The following COL19A1 variants were observed in gnomAD, a reference collection of about 807,000 sequenced individuals.
The protein encoded by COL19A1 is collagen type XIX alpha 1 chain, also known as collagen alpha-1(XIX) chain.
Under a neutral mutation model 190.2 loss-of-function variants are expected in COL19A1, and 159 were observed. The ratio of observed to expected loss-of-function variants is 0.84; its 90% CI spans 0.73 to 0.95. COL19A1 has a LOEUF of 0.95. COL19A1 is among the 40% of genes least tolerant of loss of function. The pLI, the probability that COL19A1 is intolerant of heterozygous loss-of-function variation, is 0.00. For missense variants in COL19A1, 1,418 were observed against 1,431.9 expected, an observed-to-expected ratio of 0.99 and a Z score of 0.16; for synonymous variants, 509 against 458.9, an observed-to-expected ratio of 1.11 and a Z score of -1.39.
intron 4 of COL19A1, among the ~76,000 whole-genome samples, chr6:69,919,813 T>C (rs1162412692): frequency 3.3e-5 from 5 of 152,172 alleles, no homozygotes; most frequent in African/African-American, 4.8e-5. Context: ...TTTGTTTTGC[T>C]TTTTCTCCTA....
At chr6:69,985,386 G>T (rs76075332) in intron 11 of COL19A1, among the ~76,000 whole-genome samples, 57 of 152,236 alleles carry the variant, frequency 3.7e-4, no homozygotes, top group South Asian at 1.4e-3. Context: ...GCCATCCAGA[G>T]GTCTATGGTC....
Position 70,146,720 on chromosome 6 carries a change from G to A in COL19A1, c.1815+17G>A. On this transcript the variant is annotated intron_variant, in intron 26 of 50. Transcript: ENST00000620364. ...GGGCCAAAGGTATACAAATATTATA[G>A]TTAATTTTTAAGGAATGAATAATTA... The A allele has an allele frequency of 6.2e-7, 1 of 1,602,890 alleles. No individual in the cohort carries two copies. Among genetic ancestry groups the A allele is most frequent in the African/African-American group, 1.3e-5 (1 of 74,340 alleles).
chr6:69,904,299 A>G (rs1770382282), intron 4 of COL19A1, among the ~76,000 whole-genome samples: 1 of 152,188 alleles, frequency 6.6e-6, no homozygotes. Flanking sequence ...ATCATTCCAA[A>G]CAGTCCATAT....
intron 50 of COL19A1, 68 bp downstream of exon 50, chr6:70,207,046 G>T: frequency 1.9e-6 from 3 of 1,604,258 alleles, no homozygotes; most frequent in South Asian, 1.1e-5. Flanking sequence ...TCTCCCCTAG[G>T]GTCCTTATAT....
At chr6:70,027,226 T>C (rs1304089237) in intron 12 of COL19A1, among the ~76,000 whole-genome samples, 1 of 152,210 alleles carries the variant, frequency 6.6e-6, no homozygotes, top group Non-Finnish European at 1.5e-5. Context: ...CACAGCCTTT[T>C]TAATAGTCTT....
intron 4 of COL19A1, among the ~76,000 whole-genome samples, chr6:69,917,978 C>T (rs1340131591): frequency 6.6e-6 from 1 of 152,008 alleles, no homozygotes; most frequent in Admixed American, 6.6e-5. Flanking sequence ...AAGACTGTCC[C>T]AGGAGAGGAA....
chr6:70,169,625 A>T (rs919029340), intron 40 of COL19A1, among the ~76,000 whole-genome samples: 7 of 152,150 alleles, frequency 4.6e-5, no homozygotes, highest in Non-Finnish European at 8.8e-5. Context: ...ATTAAAAGCC[A>T]AATTGTTATC....
intron 49 of COL19A1, among the ~76,000 whole-genome samples, chr6:70,200,749 C>T (rs1345182764): frequency 6.6e-6 from 1 of 152,172 alleles, no homozygotes; most frequent in Non-Finnish European, 1.5e-5. Flanking sequence ...CCTTCCTCTT[C>T]TGAAAGAGCA....
chr6:70,108,048 A>C (rs932473700), intron 16 of COL19A1, among the ~76,000 whole-genome samples: 13 of 152,206 alleles, frequency 8.5e-5, no homozygotes, highest in Non-Finnish European at 1.9e-4. Context: ...TGTTTATTTC[A>C]AAGTATTCTG....
intron 11 of COL19A1, among the ~76,000 whole-genome samples, chr6:70,008,845 T>C (rs1777802237): frequency 6.6e-6 from 1 of 151,958 alleles, no homozygotes; most frequent in African/African-American, 2.4e-5. Context: ...GAAACAATTA[T>C]AAACCTTGAA....
intron 15 of COL19A1, among the ~76,000 whole-genome samples, chr6:70,087,411 T>C (rs1448332582): frequency 6.6e-6 from 1 of 152,032 alleles, no homozygotes; most frequent in African/African-American, 2.4e-5. Context: ...AAGCTCTTTC[T>C]AGGTAGGGGA....
chr6:70,044,871 G>A (rs1343415382), intron 14 of COL19A1, among the ~76,000 whole-genome samples: 2 of 152,038 alleles, frequency 1.3e-5, no homozygotes, highest in African/African-American at 2.4e-5. Flanking sequence ...AGACTATCAT[G>A]TGAATTTTTT....
At chr6:69,958,817 T>C (rs1040383483) in intron 9 of COL19A1, among the ~76,000 whole-genome samples, 1 of 152,112 alleles carries the variant, frequency 6.6e-6, no homozygotes, top group Non-Finnish European at 1.5e-5. Context: ...TAATGAAAAA[T>C]TTCCTTAGAT....
chr6:70,023,542 A>G lies in COL19A1; in HGVS notation c.1027-85A>G, dbSNP rs1778557498. Reference sequence around the variant, plus strand: ...TTAGCAAAGTAATCATATTGTTATAAATACCCAACCAACATAACTTTATTT... The same window carrying G: ...TTAGCAAAGTAATCATATTGTTATAGATACCCAACCAACATAACTTTATTT... On this transcript the variant is annotated intron_variant, in intron 11 of 50. Coordinates refer to ENST00000620364, the MANE Select transcript of COL19A1 (RefSeq NM_001858.6). 1.2e-5 allele frequency: 13 copies of G among 1,111,264 alleles called. No homozygotes were observed. The Admixed American group carries it at 1.4e-4, about 12-fold the overall frequency. The allele number at this position is 1,111,264 out of a possible 1,614,324, so 68.8% of individuals were successfully genotyped here. A position where few individuals can be genotyped will look rare whatever the true frequency, so the allele number is the denominator to read the frequency against.
At chr6:70,160,910 G>T (rs893801711) in intron 34 of COL19A1, among the ~76,000 whole-genome samples, 1 of 152,050 alleles carries the variant, frequency 6.6e-6, no homozygotes, top group African/African-American at 2.4e-5. Flanking sequence ...TTTAAAACAT[G>T]ATTTTAATAA....
At chr6:69,913,292 C>G (rs1771082575) in intron 4 of COL19A1, among the ~76,000 whole-genome samples, 1 of 152,032 alleles carries the variant, frequency 6.6e-6, no homozygotes, top group Admixed American at 6.5e-5. Context: ...TAAATACTAA[C>G]AAAGTATTTC....
intron 14 of COL19A1, among the ~76,000 whole-genome samples, chr6:70,060,740 T>G (rs965033770): frequency 6.6e-6 from 1 of 152,116 alleles, no homozygotes; most frequent in East Asian, 1.9e-4. Context: ...GGTGAGTGTA[T>G]AATTATTTCA....
chr6:69,906,230 T>C (rs912105644), intron 4 of COL19A1, among the ~76,000 whole-genome samples: 2 of 152,206 alleles, frequency 1.3e-5, no homozygotes, highest in African/African-American at 4.8e-5. Flanking sequence ...AATGTTGAAT[T>C]TCTACATGCT....
chr6:70,174,719 T>TGTA (rs1341599944), intron 41 of COL19A1, among the ~76,000 whole-genome samples: 1 of 152,204 alleles, frequency 6.6e-6, no homozygotes, highest in Non-Finnish European at 1.5e-5. Flanking sequence ...CTTACTGGCT[T>TGTA]ACTGGTATAC....
Sources: gnomAD v4.1 joint callset for allele counts (sites outside exome capture counted in the v4.1 genomes callset) on GRCh38, gnomAD v4.1.1 for gene constraint, MANE v1.5 for transcripts, NCBI Gene and HGNC (gene_info 2026-07-23, HGNC 2026-07-21) for gene names.